The following CDK9 variants were observed in gnomAD, a reference collection of about 807,000 sequenced individuals.
The protein encoded by CDK9 is cyclin-dependent kinase 9.
A neutral mutation model predicts 39.0 loss-of-function variants in CDK9; 34 were observed. The ratio of observed to expected loss-of-function variants is 0.87; its 90% confidence interval spans 0.66 to 1.16. The LOEUF (loss-of-function observed/expected upper bound fraction) is 1.16, where lower values mean the gene tolerates loss of function less well. Among genes scored for constraint, CDK9 ranks in the 50% most tolerant of loss-of-function variants. The probability of loss-of-function intolerance (pLI) is 0.00; values close to 1 mark genes in which losing one functional copy is unlikely to be tolerated. For synonymous variants in CDK9, 233 were observed against 196.2 expected, an observed-to-expected ratio of 1.19 and a Z score of -1.57; for missense variants, 369 against 503.2, an observed-to-expected ratio of 0.73 and a Z score of 2.55.
At position 127,788,680 on chromosome 9, in the gene CDK9, C is replaced by T; in HGVS notation, c.741C>T (p.Ser247=). Residue 247 remains serine, a synonymous_variant, in exon 6 of 7, where the codon TCC becomes TCT. Coordinates refer to ENST00000373264, the MANE Select transcript of CDK9 (RefSeq NM_001261.4). Reference sequence around the variant, plus strand: ...CCCTCATCAGTCAGCTCTGCGGCTCCATCACCCCTGAGGTACGGGGCCCCG... The same window carrying T: ...CCCTCATCAGTCAGCTCTGCGGCTCTATCACCCCTGAGGTACGGGGCCCCG... ...QLALISQLCG[S]ITPEVWPNVD... 4 of 1,605,628 alleles carry T rather than the reference C, an allele frequency of 2.5e-6. No individual in the cohort carries two copies. Among genetic ancestry groups the T allele is most frequent in the Non-Finnish European group, 3.4e-6 (4 of 1,175,892 alleles).
In CDK9 at chr9:127,787,571, G is replaced by A. The variant is rs1260560907; in HGVS notation, c.228G>A (p.Glu76=). ...EIKILQLLKH[E]NVVNLIEICR... is the part of the protein sequence containing the mutation. ...AGATCCTTCAGCTTCTAAAACACGA[G>A]AATGTGGTCAACTTGATTGAGATTT... The change falls in exon 3 of 7, where the codon GAG becomes GAA. Residue 76 remains glutamate (E), a synonymous_variant. Coordinates refer to ENST00000373264, the MANE Select transcript of CDK9 (RefSeq NM_001261.4). 1 of 1,613,634 alleles carries A rather than the reference G, an allele frequency of 6.2e-7. No homozygotes were observed. Among genetic ancestry groups the A allele is most frequent in the Non-Finnish European group, 8.5e-7 (1 of 1,179,546 alleles).
Position 127,789,301 on chromosome 9 carries a change from G to C in CDK9, c.877G>C (p.Asp293His), listed in dbSNP as rs775765477. 1 of 1,613,930 alleles carries C rather than the reference G, an allele frequency of 6.2e-7. No homozygotes were observed. The highest frequency in any genetic ancestry group is 8.5e-7 in the Non-Finnish European group (1 of 1,180,032). ...VRDPYALDLIDKLLVLDPAQR... is the reference protein window; with the variant it reads ...VRDPYALDLIHKLLVLDPAQR... The stretch of plus-strand genomic sequence containing the variant: ...TGACCCATACGCACTGGACCTCATC[G>C]ACAAGCTGCTGGTGCTGGACCCTGC... Residue 293 changes from aspartate (D) to histidine (H), a missense_variant, in exon 7 of 7, where the codon GAC becomes CAC. By Grantham distance (81) the Asp-to-His change is moderately conservative. Transcript: ENST00000373264. The surrounding 1 kb of genome is among the most constrained non-coding windows in gnomAD (Gnocchi z 5.2).
At chr9:127,786,891 T>A in intron 2 of CDK9, 109 bp downstream of exon 2, 2 of 835,510 alleles carry the variant, frequency 2.4e-6, no homozygotes, top group Non-Finnish European at 3.8e-6. Flanking sequence ...AATTTTTTTG[T>A]AGTAGTTCAG....
At chr9:127,787,825 CAG>C in intron 3 of CDK9, 120 bp from the exon 4 acceptor site, 1 of 1,093,716 alleles carries the variant, frequency 9.1e-7, no homozygotes, top group Non-Finnish European at 1.4e-6. Flanking sequence ...AAGGAAGGAA[CAG>C]ACAGATGCTC....
rs1452764944 is a variant in CDK9, at chr9:127,789,565, G to T, written c.*22G>T. 12 of 1,603,326 alleles carry T rather than the reference G, an allele frequency of 7.5e-6. No homozygotes were observed. The East Asian group carries it at 2.5e-4, about 33-fold the overall frequency. On this transcript the variant is annotated 3_prime_UTR_variant, in exon 7 of 7. Coordinates refer to ENST00000373264, the MANE Select transcript of CDK9 (RefSeq NM_001261.4). This position sits in a 1 kb window ranked among gnomAD's most constrained non-coding sequence, Gnocchi z 5.2. The stretch of plus-strand genomic sequence containing the variant: ...CTGAGGGCCGGCGCTTGCCACTAGG[G>T]CTCTTGTGTTTTTTTTCTTCTGCTA...
Position 127,789,773 on chromosome 9 carries a change from G to T in CDK9, c.*230G>T. On this transcript the variant is annotated 3_prime_UTR_variant, in exon 7 of 7. Coordinates refer to ENST00000373264, the MANE Select transcript of CDK9 (RefSeq NM_001261.4). The surrounding 1 kb of genome is among the most constrained non-coding windows in gnomAD (Gnocchi z 5.2). ...TGGTTTTCTGGATGGTTCCCAGAGG[G>T]TTTCCATGGGGTAGGAGGATGGGCT... The T allele has an allele frequency of 1.7e-6, 1 of 590,714 alleles. No individual in the cohort carries two copies. The highest frequency in any genetic ancestry group is 3.1e-5 in the East Asian group (1 of 32,762). The allele number at this position is 590,714 out of a possible 1,614,324, so 36.6% of individuals were successfully genotyped here.
Position 127,788,702 on chromosome 9 carries a change from C to G in CDK9, c.753+10C>G, listed in dbSNP as rs932742068. The G allele has an allele frequency of 1.3e-6, 2 of 1,583,700 alleles. No homozygotes were observed. Among genetic ancestry groups the G allele is most frequent in the Non-Finnish European group, 1.7e-6 (2 of 1,164,456 alleles). On this transcript the variant is annotated intron_variant, in intron 6 of 6. Transcript: ENST00000373264. Reference sequence around the variant, plus strand: ...CTCCATCACCCCTGAGGTACGGGGCCCCGGTCCCCACGGGGTGCAGAGATC... The same window carrying G: ...CTCCATCACCCCTGAGGTACGGGGCGCCGGTCCCCACGGGGTGCAGAGATC...
At chr9:127,786,981 A>G (rs1035672117) in intron 2 of CDK9, among the ~76,000 whole-genome samples, 199 bp downstream of exon 2, 3 of 152,076 alleles carry the variant, frequency 2.0e-5, no homozygotes, top group Non-Finnish European at 4.4e-5. Flanking sequence ...CAGGAGGGGG[A>G]GTTGATGCAT....
intron 6 of CDK9, 85 bp downstream of exon 6, chr9:127,788,777 C>G (rs1026607239): frequency 2.3e-5 from 31 of 1,374,032 alleles, no homozygotes; most frequent in Non-Finnish European, 2.9e-5. Context: ...AGGAGCGCTC[C>G]TCTCTGGAAG....
Position 127,788,049 on chromosome 9 carries a change from T to A in CDK9, c.368T>A (p.Leu123Gln). ...AGCAATGTTTTGGTCAAGTTCACGC[T>A]GTCTGAGATCAAGAGGGTGATGCAG... is the stretch of plus-strand genomic sequence containing the variant. ...LLSNVLVKFT[L>Q]SEIKRVMQML... The change falls in exon 4 of 7, where the codon CTG becomes CAG. Residue 123 changes from leucine to glutamine, a missense_variant. Leu to Gln is a moderately radical substitution (Grantham distance 113). Transcript: ENST00000373264. The A allele has an allele frequency of 3.7e-6, 6 of 1,614,260 alleles. No individual in the cohort carries two copies. Among genetic ancestry groups the A allele is most frequent in the Non-Finnish European group, 4.2e-6 (5 of 1,180,052 alleles).
intron 1 of CDK9, 64 bp downstream of exon 1, chr9:127,786,304 G>A: frequency 1.5e-6 from 2 of 1,319,920 alleles, no homozygotes; most frequent in Non-Finnish European, 2.1e-6. Flanking sequence ...ACGTCGGGAT[G>A]CCCGGGCCCC....
At position 127,789,099 on chromosome 9, in the gene CDK9, CT is replaced by C; in HGVS notation, c.754-75del. On this transcript the variant is annotated intron_variant, in intron 6 of 6. Coordinates refer to ENST00000373264, the MANE Select transcript of CDK9 (RefSeq NM_001261.4). The surrounding 1 kb of genome is among the most constrained non-coding windows in gnomAD (Gnocchi z 5.2). ...TCCGAGTGGAGCAGGTATTTTAGTC[CT>C]TTTAGGCCTTTATGAAGGGATAAGC... 1 of 1,490,938 alleles carries C rather than the reference CT, an allele frequency of 6.7e-7. No homozygotes were observed. Among genetic ancestry groups the C allele is most frequent in the Admixed American group, 2.3e-5 (1 of 43,688 alleles). 92.4% of individuals were successfully genotyped at this position (1,490,938 alleles called of 1,614,324 possible). A position where few individuals can be genotyped will look rare whatever the true frequency, so the allele number is the denominator to read the frequency against.
chr9:127,787,992 A>T lies in CDK9; in HGVS notation c.311A>T (p.Asp104Val), dbSNP rs1829361556. ...RCKGSIYLVF[D>V]FCEHDLAGLL... ...AAGGGTAGTATATACCTGGTGTTCG[A>T]CTTCTGCGAGCATGACCTTGCTGGG... is the stretch of plus-strand genomic sequence containing the variant. The change falls in exon 4 of 7, where the codon GAC becomes GTC. Residue 104 changes from aspartate (D) to valine (V), a missense_variant. By Grantham distance (152) the Asp-to-Val change is radical. Coordinates refer to ENST00000373264, the MANE Select transcript of CDK9 (RefSeq NM_001261.4). The T allele has an allele frequency of 6.2e-7, 1 of 1,614,056 alleles. No homozygotes were observed. Among genetic ancestry groups the T allele is most frequent in the South Asian group, 1.1e-5 (1 of 91,082 alleles).
At position 127,786,692 on chromosome 9, in the gene CDK9, CGCCTGCAGGGAGGTGTTCAAG is replaced by C; in HGVS notation, c.93-5_108del. 6.2e-7 allele frequency: 1 copy of C among 1,612,772 alleles called. No homozygotes were observed. On this transcript the variant is annotated splice_acceptor_variant and splice_polypyrimidine_tract_variant and coding_sequence_variant and intron_variant, in exon 2 of 7. Transcript: ENST00000373264. LOFTEE classifies it high-confidence loss of function. ...TGATGAGTTCTCGGGTCTCCCTTTC[CGCCTGCAGGGAGGTGTTCAAG>C]GCCAGGCACCGCAAGACCGGCCAGA...
Position 127,788,293 on chromosome 9 carries a change from C to T in CDK9, c.512C>T (p.Ala171Val). Residue 171 changes from alanine (A) to valine (V), a missense_variant, in exon 5 of 7, where the codon GCC becomes GTC. Transcript: ENST00000373264. ...CTGAAGCTGGCAGACTTTGGGCTGG[C>T]CCGGGCCTTCAGCCTGGCCAAGAAC... ...GVLKLADFGL[A>V]RAFSLAKNSQ... is the part of the protein sequence containing the mutation. The T allele has an allele frequency of 6.8e-6, 11 of 1,613,434 alleles. No individual in the cohort carries two copies. The highest frequency in any genetic ancestry group is 9.3e-6 in the Non-Finnish European group (11 of 1,179,992).
At chr9:127,788,182 C>A (rs1292084343) in intron 4 of CDK9, 32 bp from the exon 5 acceptor site, 1 of 1,613,322 alleles carries the variant, frequency 6.2e-7, no homozygotes, top group East Asian at 2.2e-5. Context: ...GGGTGGATGT[C>A]ACTAAAGGAC....
At position 127,789,810 on chromosome 9, in the gene CDK9, G is replaced by T. The variant is rs893864443; in HGVS notation, c.*267G>T. 7 of 471,658 alleles carry T rather than the reference G, an allele frequency of 1.5e-5. No homozygotes were observed. The Admixed American group carries it at 2.3e-4, about 16-fold the overall frequency. The allele number at this position is 471,658 out of a possible 1,614,324, so 29.2% of individuals were successfully genotyped here. ...TAGGAGGATGGGCTCGCCCACCAGTGACTTTTTCTAAGAGCTCCCGGCGTG... is the reference window on the plus strand; with the variant it reads ...TAGGAGGATGGGCTCGCCCACCAGTTACTTTTTCTAAGAGCTCCCGGCGTG... On this transcript the variant is annotated 3_prime_UTR_variant, in exon 7 of 7. Transcript: ENST00000373264. This position sits in a 1 kb window ranked among gnomAD's most constrained non-coding sequence, Gnocchi z 5.2.
chr9:127,789,466 C>A lies in CDK9; in HGVS notation c.1042C>A (p.Gln348Lys). 1.2e-6 allele frequency: 2 copies of A among 1,614,146 alleles called. No homozygotes were observed. The highest frequency in any genetic ancestry group is 1.7e-6 in the Non-Finnish European group (2 of 1,180,038). Reference protein sequence around the residue: ...YLAPPRRKGSQITQQSTNQSR... With the variant: ...YLAPPRRKGSKITQQSTNQSR... ...GGCACCACCGCGCCGGAAGGGCAGCCAGATCACCCAGCAGTCCACCAACCA... is the reference window on the plus strand; with the variant it reads ...GGCACCACCGCGCCGGAAGGGCAGCAAGATCACCCAGCAGTCCACCAACCA... The change falls in exon 7 of 7, where the codon CAG (glutamine) becomes AAG (lysine). Residue 348 changes from glutamine (Q) to lysine (K), a missense_variant. Transcript: ENST00000373264. The surrounding 1 kb of genome is among the most constrained non-coding windows in gnomAD (Gnocchi z 5.2).
chr9:127,786,257 C>T lies in CDK9; in HGVS notation c.92+17C>T, dbSNP rs765016720. On this transcript the variant is annotated intron_variant, in intron 1 of 6. Transcript: ENST00000373264. ...CACCTTCGGGTAAGGCTGGGCCCCT[C>T]GGGGCCGGGAGCCCTGGGCCTGCAC... 43 of 1,597,088 alleles carry T rather than the reference C, an allele frequency of 2.7e-5. No individual in the cohort carries two copies. Among genetic ancestry groups the T allele is most frequent in the Non-Finnish European group, 3.4e-5 (40 of 1,170,114 alleles).
Sources: gnomAD v4.1 joint callset for allele counts (sites outside exome capture counted in the v4.1 genomes callset) on GRCh38, gnomAD v4.1.1 for gene constraint, Gnocchi (gnomAD v3.1) non-coding constraint, MANE v1.5 for transcripts, NCBI Gene and HGNC (gene_info 2026-07-23, HGNC 2026-07-21) for gene names.